Variants in ANO6 observed in about 807,000 individuals in gnomAD.
ANO6 encodes anoctamin 6, also known as anoctamin-6.
ANO6 carries 106 observed loss-of-function variants against 117.5 expected under a neutral mutation model. That is an observed-to-expected ratio of 0.90 (90% CI 0.77 to 1.06). The LOEUF (loss-of-function observed/expected upper bound fraction) is 1.06, where lower values mean the gene tolerates loss of function less well. Among genes scored for constraint, ANO6 ranks in the 50% least tolerant of loss-of-function variants. The pLI, the probability that ANO6 is intolerant of heterozygous loss-of-function variation, is 0.00. For synonymous variants in ANO6, 367 were observed against 385.1 expected, an observed-to-expected ratio of 0.95 and a Z score of 0.55; for missense variants, 955 against 1,121.1, an observed-to-expected ratio of 0.85 and a Z score of 2.12.
intron 7 of ANO6, among the ~76,000 whole-genome samples, chr12:45,352,613 C>G (rs1024418269): frequency 2.0e-5 from 3 of 150,242 alleles, no homozygotes; most frequent in Non-Finnish European, 4.4e-5. Flanking sequence ...CACCTGTAGT[C>G]CCAGCTACTC....
At chr12:45,425,685 T>A (rs1943484523) in intron 19 of ANO6, among the ~76,000 whole-genome samples, 1 of 152,230 alleles carries the variant, frequency 6.6e-6, no homozygotes, top group Non-Finnish European at 1.5e-5. Context: ...ATTGGAGTGA[T>A]ACCAAGCTTT....
At chr12:45,384,427 C>T (rs770236379) in intron 10 of ANO6, among the ~76,000 whole-genome samples, 19 of 152,166 alleles carry the variant, frequency 1.2e-4, no homozygotes, top group Non-Finnish European at 1.8e-4. Context: ...GCCTAGCTTT[C>T]GATATGCCTT....
intron 3 of ANO6, among the ~76,000 whole-genome samples, chr12:45,336,578 C>A (rs1030259504): frequency 2.0e-5 from 3 of 151,940 alleles, no homozygotes; most frequent in African/African-American, 7.2e-5. Context: ...ATGCATTACT[C>A]ACATGTCTGT....
intron 7 of ANO6, among the ~76,000 whole-genome samples, chr12:45,353,416 TA>T (rs1941333130): frequency 6.6e-6 from 1 of 152,234 alleles, no homozygotes; most frequent in South Asian, 2.1e-4. Flanking sequence ...GTTAAACCAA[TA>T]GCATCTGATA....
chr12:45,269,236 C>T (rs1431216908), intron 1 of ANO6, among the ~76,000 whole-genome samples: 1 of 152,202 alleles, frequency 6.6e-6, no homozygotes, highest in Non-Finnish European at 1.5e-5. Context: ...ATGAGACAGT[C>T]TATCAGAGGT....
chr12:45,231,835 C>T (rs1201655154), intron 1 of ANO6, among the ~76,000 whole-genome samples: 1 of 151,948 alleles, frequency 6.6e-6, no homozygotes, highest in East Asian at 1.9e-4. Flanking sequence ...GCAAACACAG[C>T]AAAAGGCTTT....
At chr12:45,282,499 G>T (rs755519674) in intron 1 of ANO6, among the ~76,000 whole-genome samples, 4 of 152,140 alleles carry the variant, frequency 2.6e-5, no homozygotes, top group Non-Finnish European at 5.9e-5. Context: ...GTCGTGGCCA[G>T]CCGTGTCAAA....
chr12:45,420,760 C>T (rs1943338037), intron 17 of ANO6, among the ~76,000 whole-genome samples: 1 of 152,180 alleles, frequency 6.6e-6, no homozygotes, highest in Admixed American at 6.5e-5. Context: ...CCTGTAATCC[C>T]AGCACTTTGG....
At chr12:45,274,271 C>T (rs759733931) in intron 1 of ANO6, among the ~76,000 whole-genome samples, 21 of 152,130 alleles carry the variant, frequency 1.4e-4, no homozygotes, top group South Asian at 6.2e-4. Flanking sequence ...TTACAGCTGT[C>T]GGCTTTACTT....
At chr12:45,292,689 C>A (rs187719859) in intron 1 of ANO6, 15 of 1,297,608 alleles carry the variant, frequency 1.2e-5, no homozygotes, top group African/African-American at 1.5e-5. Context: ...ACTGTTGGGG[C>A]AGAGGAGGCT....
intron 3 of ANO6, among the ~76,000 whole-genome samples, chr12:45,346,019 T>G (rs759423700): frequency 8.6e-5 from 13 of 151,628 alleles, no homozygotes; most frequent in Non-Finnish European, 1.8e-4. Context: ...GGGGCCAAAC[T>G]TTTATAAGGA....
At chr12:45,309,663 T>G (rs1381076656) in intron 2 of ANO6, among the ~76,000 whole-genome samples, 1 of 146,456 alleles carries the variant, frequency 6.8e-6, no homozygotes, top group Non-Finnish European at 1.5e-5. Flanking sequence ...TTGGTCTATT[T>G]TATGGTCAAT....
At chr12:45,440,082 G>A (rs952060682) in exon 20 of ANO6, 41 of 831,972 alleles carry the variant, frequency 4.9e-5, no homozygotes, top group Admixed American at 3.7e-4. Context: ...CCTCTAAATC[G>A]TATTTGAGCT....
intron 1 of ANO6, among the ~76,000 whole-genome samples, chr12:45,246,945 T>G (rs922195058): frequency 4.6e-5 from 7 of 151,914 alleles, no homozygotes; most frequent in Non-Finnish European, 4.4e-5. Flanking sequence ...TTTTTATTTT[T>G]TTTTGAGACA....
At chr12:45,345,064 C>A (rs888156590) in intron 3 of ANO6, among the ~76,000 whole-genome samples, 2 of 152,142 alleles carry the variant, frequency 1.3e-5, no homozygotes, top group Non-Finnish European at 2.9e-5. Context: ...GGAAGTTATA[C>A]CACTTGCTGG....
chr12:45,390,351 G>A (rs1593052878), intron 11 of ANO6, 70 bp from the exon 12 acceptor site: 12 of 1,194,094 alleles, frequency 1.0e-5, no homozygotes, highest in Middle Eastern at 2.3e-4. Flanking sequence ...ATTTATTGGC[G>A]AGTCAGGAGA....
rs1486692076 is a variant in ANO6 at position 45,290,447 on chromosome 12, A to T, written c.71-11567A>T. Among the ~76,000 whole-genome samples the T allele has an allele frequency of 2.0e-5, 3 of 152,298 alleles. No homozygotes were observed. In the South Asian group the frequency reaches 6.2e-4, roughly 32 times the overall value. On this transcript the variant is annotated intron_variant, in intron 1 of 19. Transcript: ENST00000320560. ...TCCCCAGGCCATGTGCAATCACTAT[A>T]ATCTGGGAACTGACAGGTCAGCGAC...
chr12:45,241,026 T>A (rs1947734738), intron 1 of ANO6, among the ~76,000 whole-genome samples: 1 of 152,168 alleles, frequency 6.6e-6, no homozygotes, highest in Non-Finnish European at 1.5e-5. Flanking sequence ...CAATTATGTG[T>A]CTTGAGGTTG....
At chr12:45,314,026 A>G (rs1243210933) in intron 2 of ANO6, among the ~76,000 whole-genome samples, 1 of 152,012 alleles carries the variant, frequency 6.6e-6, no homozygotes, top group Admixed American at 6.6e-5. Context: ...TTATTGTCTG[A>G]CAGTGTTAGT....
Sources: gnomAD v4.1 joint callset for allele counts (sites outside exome capture counted in the v4.1 genomes callset) on GRCh38, gnomAD v4.1.1 for gene constraint, MANE v1.5 for transcripts, NCBI Gene and HGNC (gene_info 2026-07-23, HGNC 2026-07-21) for gene names.